Variants in ITGAL observed in about 807,000 individuals in gnomAD.
ITGAL encodes integrin subunit alpha L.
Under a neutral mutation model 138.4 loss-of-function variants are expected in ITGAL, and 68 were observed. The ratio of observed to expected loss-of-function variants is 0.49; its 90% CI spans 0.40 to 0.60. The LOEUF is 0.60. Among genes scored for constraint, ITGAL ranks in the 20% least tolerant of loss-of-function variants. The pLI, the probability that ITGAL is intolerant of heterozygous loss-of-function variation, is 0.00. For missense variants in ITGAL, 1,256 were observed against 1,478.6 expected (o/e 0.85, Z 2.47); for synonymous variants, 561 against 584.3 (o/e 0.96, Z 0.57).
At position 30,510,415 on chromosome 16, in the gene ITGAL, C is replaced by G; in HGVS notation, c.2563C>G (p.Leu855Val). The G allele has an allele frequency of 6.2e-7, 1 of 1,613,640 alleles. No homozygotes were observed. Among genetic ancestry groups the G allele is most frequent in the Non-Finnish European group, 8.5e-7 (1 of 1,179,526 alleles). The change falls in exon 22 of 31, where the codon CTG (leucine) becomes GTG (valine). Residue 855 changes from leucine (L) to valine (V), a missense_variant. This residue lies in a region of ITGAL where 867 missense variants were observed against 972.5 expected (regional missense o/e 0.89). Transcript: ENST00000356798. ...GGAGCTTCCTGAAGAGTCCAGGCTT[C>G]TGTCCAGGGCATTATCTTGCAATGT... is the stretch of plus-strand genomic sequence containing the variant. ...CEELPEESRL[L>V]SRALSCNVSS...
At chr16:30,511,222 C>A in intron 24 of ITGAL, 86 bp downstream of exon 24, 1 of 978,674 alleles carries the variant, frequency 1.0e-6, no homozygotes, top group Non-Finnish European at 1.7e-6. Flanking sequence ...TGGGGCTCTC[C>A]TTCTGAACCT....
intron 11 of ITGAL, among the ~76,000 whole-genome samples, chr16:30,492,469 C>G (rs552289187): frequency 1.3e-5 from 2 of 149,908 alleles, no homozygotes; most frequent in South Asian, 2.1e-4. Flanking sequence ...CCAGGCTGGT[C>G]TCAAACTCCT....
chr16:30,477,354 C>G (rs1180539510), intron 4 of ITGAL: 1 of 151,824 alleles, frequency 6.6e-6, no homozygotes, highest in African/African-American at 2.4e-5. Flanking sequence ...GAGTTCAAGA[C>G]CAGCCTGGTC....
At chr16:30,512,245 G>T (rs768095662) in intron 24 of ITGAL, among the ~76,000 whole-genome samples, 1 of 152,042 alleles carries the variant, frequency 6.6e-6, no homozygotes, top group Non-Finnish European at 1.5e-5. Context: ...AGTTATGTCC[G>T]TTTTTTGCTA....
At chr16:30,484,036 C>T in intron 8 of ITGAL, 77 bp downstream of exon 8, 2 of 1,594,020 alleles carry the variant, frequency 1.3e-6, no homozygotes, top group Non-Finnish European at 1.7e-6. Context: ...TCCCTGGGGC[C>T]AGACTCTTGT....
Position 30,489,031 on chromosome 16 carries a change from C to T in ITGAL, c.1007-51C>T, listed in dbSNP as rs536673882. On this transcript the variant is annotated intron_variant, in intron 9 of 30. Coordinates refer to ENST00000356798, the MANE Select transcript of ITGAL (RefSeq NM_002209.3). ...TCCCCGTCCTGCCATGAATTTTTTT[C>T]ACTGCATTTACTGCTGTTGGGTCTC... 8 of 1,492,434 alleles carry T rather than the reference C, an allele frequency of 5.4e-6. No individual in the cohort carries two copies. In the African/African-American group the frequency reaches 8.3e-5, roughly 15 times the overall value. The allele number at this position is 1,492,434 out of a possible 1,614,324, so 92.4% of individuals were successfully genotyped here.
intron 9 of ITGAL, 126 bp from the exon 10 acceptor site, chr16:30,488,956 C>T: frequency 2.6e-6 from 2 of 773,956 alleles, no homozygotes; most frequent in Non-Finnish European, 4.5e-6. Context: ...GTCTGCCTGA[C>T]CCTCACATGC....
intron 6 of ITGAL, 75 bp downstream of exon 6, chr16:30,479,536 A>G: frequency 1.4e-6 from 2 of 1,433,832 alleles, no homozygotes; most frequent in South Asian, 2.5e-5. Context: ...ATGAAAGGAA[A>G]TGTTAGTATG....
chr16:30,510,971 C>T lies in ITGAL; in HGVS notation c.2699+11C>T. The T allele has an allele frequency of 2.5e-6, 4 of 1,613,796 alleles. No homozygotes were observed. Among genetic ancestry groups the T allele is most frequent in the Non-Finnish European group, 3.4e-6 (4 of 1,179,810 alleles). On this transcript the variant is annotated intron_variant, in intron 23 of 30. Coordinates refer to ENST00000356798, the MANE Select transcript of ITGAL (RefSeq NM_002209.3). ...CGCCAATGTGACCTGGTGAGCAGGC[C>T]CCGCCCACATCCCTGCCATGGTCTC...
chr16:30,477,373 C>A (rs11648955), intron 4 of ITGAL: 25,378 of 150,766 alleles, frequency 0.17, 2,574 homozygotes, highest in Non-Finnish European at 0.23. Flanking sequence ...TCAATCCTGT[C>A]CCTACAAAAA....
At chr16:30,501,231 C>T (rs934302861) in intron 17 of ITGAL, among the ~76,000 whole-genome samples, 1 of 151,882 alleles carries the variant, frequency 6.6e-6, no homozygotes, top group African/African-American at 2.4e-5. Flanking sequence ...TCTTTTCATA[C>T]ATTATATATT....
rs2050603395 is a variant in ITGAL at position 30,484,200 on chromosome 16, G to A, written c.943G>A (p.Asp315Asn). Residue 315 changes from aspartate (D) to asparagine (N), a missense_variant, in exon 9 of 31, where the codon GAC becomes AAC. By Grantham distance (23) the Asp-to-Asn change is conservative. Transcript: ENST00000356798. ...CGCGAGCGAGTTTGTGAAAATTCTG[G>A]ACACATTTGAGAAGCTGAAAGATCT... Reference protein sequence around the residue: ...KPASEFVKILDTFEKLKDLFT... With the variant: ...KPASEFVKILNTFEKLKDLFT... 1 of 1,614,006 alleles carries A rather than the reference G, an allele frequency of 6.2e-7. No individual in the cohort carries two copies. Among genetic ancestry groups the A allele is most frequent in the African/African-American group, 1.3e-5 (1 of 74,924 alleles).
intron 26 of ITGAL, 34 bp downstream of exon 26, chr16:30,517,120 C>T (rs760318207): frequency 2.8e-6 from 4 of 1,413,760 alleles, no homozygotes; most frequent in East Asian, 4.6e-5. Flanking sequence ...GGTCTACCCT[C>T]CTCAGGTCTT....
intron 21 of ITGAL, chr16:30,509,389 T>C (rs1193204421): frequency 6.6e-6 from 1 of 152,162 alleles, no homozygotes; most frequent in Non-Finnish European, 1.5e-5. Context: ...AATGGTTTAA[T>C]AATGCTTAGC....
intron 4 of ITGAL, chr16:30,477,385 A>G (rs1314592437): frequency 6.6e-6 from 1 of 152,036 alleles, no homozygotes; most frequent in Admixed American, 6.6e-5. Context: ...CTACAAAAAA[A>G]AAAAAAATGT....
intron 9 of ITGAL, among the ~76,000 whole-genome samples, chr16:30,488,641 T>G (rs1037318248): frequency 2.9e-5 from 4 of 139,780 alleles, no homozygotes; most frequent in African/African-American, 1.1e-4. Context: ...AGGCAGAGGC[T>G]GTGGTGAGCT....
chr16:30,496,909 T>C (rs533115976), intron 15 of ITGAL, among the ~76,000 whole-genome samples: 2 of 151,622 alleles, frequency 1.3e-5, no homozygotes, highest in South Asian at 4.2e-4. Context: ...CCTCCCAGAG[T>C]GCTGGAGTTA....
chr16:30,491,780 G>A (rs1392209913), intron 11 of ITGAL, among the ~76,000 whole-genome samples: 1 of 152,076 alleles, frequency 6.6e-6, no homozygotes. Context: ...ATAGCCGTGA[G>A]CCACAATGTC....
chr16:30,479,294 G>A, intron 5 of ITGAL, 37 bp from the exon 6 acceptor site: 1 of 1,613,640 alleles, frequency 6.2e-7, no homozygotes, highest in Non-Finnish European at 8.5e-7. Context: ...AAACACCAGA[G>A]ATGCTTCACT....
Sources: allele counts gnomAD v4.1 joint callset (sites outside exome capture counted in the v4.1 genomes callset), GRCh38; gene constraint gnomAD v4.1.1; regional missense constraint gnomAD v4.1.1; transcripts MANE v1.5; gene names NCBI Gene and HGNC (gene_info 2026-07-23, HGNC 2026-07-21).